Variants in LDLRAD4 observed in about 807,000 individuals in gnomAD.
LDLRAD4 encodes low-density lipoprotein receptor class A domain-containing protein 4.
Under a neutral mutation model 17.0 loss-of-function variants are expected in LDLRAD4, and 5 were observed. That is an observed-to-expected ratio of 0.29 (90% CI 0.15 to 0.62). LDLRAD4 has a LOEUF of 0.62. LDLRAD4 is among the 20% of genes least tolerant of loss of function. The probability of loss-of-function intolerance (pLI) is 0.84; values close to 1 mark genes in which losing one functional copy is unlikely to be tolerated. For missense variants in LDLRAD4, 340 were observed against 424.7 expected, an observed-to-expected ratio of 0.80 and a Z score of 1.75; for synonymous variants, 168 against 171.8, an observed-to-expected ratio of 0.98 and a Z score of 0.17.
At chr18:13,307,000 A>G (rs2046953739) in intron 1 of LDLRAD4, among the ~76,000 whole-genome samples, 1 of 152,182 alleles carries the variant, frequency 6.6e-6, no homozygotes, top group Non-Finnish European at 1.5e-5. Context: ...AGTGCCAGAA[A>G]ATAAATTGAC....
At chr18:13,293,017 A>G (rs769442707) in intron 1 of LDLRAD4, among the ~76,000 whole-genome samples, 4 of 152,250 alleles carry the variant, frequency 2.6e-5, no homozygotes, top group Non-Finnish European at 5.9e-5. Flanking sequence ...CTCGAGCACC[A>G]CGTCCCAGGA....
intron 3 of LDLRAD4, among the ~76,000 whole-genome samples, chr18:13,569,808 C>A (rs555643024): frequency 1.3e-5 from 2 of 152,188 alleles, no homozygotes; most frequent in East Asian, 3.8e-4. Context: ...TCGCTTGAAC[C>A]CGGAAGGCAG....
At chr18:13,417,970 G>A (rs1463216565) in intron 2 of LDLRAD4, among the ~76,000 whole-genome samples, 1 of 152,142 alleles carries the variant, frequency 6.6e-6, no homozygotes, top group Non-Finnish European at 1.5e-5. Flanking sequence ...ACTTATCCAC[G>A]GAGGAAGTGA....
intron 5 of LDLRAD4, among the ~76,000 whole-genome samples, chr18:13,644,400 CAA>C (rs5823265): frequency 0.02 from 1,165 of 58,616 alleles, 21 homozygotes; most frequent in African/African-American, 0.056. Context: ...AACCCCATCT[CAA>C]AAAAAAAAAA....
rs2090965019 is a variant in LDLRAD4, at chr18:13,440,660, T to G, written c.181+2276T>G. On this transcript the variant is annotated intron_variant, in intron 3 of 5. Transcript: ENST00000359446. The surrounding 1 kb of genome is among the most constrained non-coding windows in gnomAD (Gnocchi z 4.4). ...GAGTGACAGCTCCTTTCAGCTTGGT[T>G]TCTCTCCCTGTGGAACAGGCACACT... 6.6e-6 allele frequency among the ~76,000 whole-genome samples: 1 copy of G among 152,184 alleles called. No homozygotes were observed. Among genetic ancestry groups the G allele is most frequent in the African/African-American group, 2.4e-5 (1 of 41,446 alleles).
intron 3 of LDLRAD4, among the ~76,000 whole-genome samples, chr18:13,607,222 G>C (rs2095233653): frequency 6.6e-6 from 1 of 152,150 alleles, no homozygotes. Flanking sequence ...GTTTGCCCTT[G>C]GACAAAAGAC....
chr18:13,555,026 T>C lies in LDLRAD4; in HGVS notation c.182-66091T>C, dbSNP rs74800005. 4.1e-3 allele frequency among the ~76,000 whole-genome samples: 617 copies of C among 152,288 alleles called. 19 individuals carry two copies. In the East Asian group the frequency reaches 0.058, roughly 14 times the overall value. ...CAAACCCTTAAAGTTAGTCTAATCA[T>C]GAGCGAAAACAGCAGACAAATCCCA... On this transcript the variant is annotated intron_variant, in intron 3 of 5. Coordinates refer to ENST00000359446, the Ensembl canonical transcript of LDLRAD4.
intron 1 of LDLRAD4, among the ~76,000 whole-genome samples, chr18:13,286,766 C>A (rs562962637): frequency 2.6e-5 from 4 of 152,172 alleles, no homozygotes; most frequent in Admixed American, 1.3e-4. Flanking sequence ...GAGGGCCAGC[C>A]AGGAAGGACA....
chr18:13,401,325 A>G (rs946214470), intron 2 of LDLRAD4, among the ~76,000 whole-genome samples: 4 of 151,376 alleles, frequency 2.6e-5, no homozygotes, highest in Admixed American at 6.6e-5. Context: ...AATGTTTGCT[A>G]TATATTTAAT....
chr18:13,373,155 A>ATGTGTG (rs35632499), intron 1 of LDLRAD4, among the ~76,000 whole-genome samples: 6,333 of 149,628 alleles, frequency 0.042, 205 homozygotes, highest in African/African-American at 0.089. Flanking sequence ...CAACTGTTTA[A>ATGTGTG]TGTGTGTGTG....
chr18:13,326,282 G>C (rs2081532712), intron 1 of LDLRAD4, among the ~76,000 whole-genome samples: 1 of 152,198 alleles, frequency 6.6e-6, no homozygotes, highest in Non-Finnish European at 1.5e-5. Context: ...AAGAGGGGCA[G>C]GTGGGCTGTA....
chr18:13,290,173 A>G (rs1257595636), intron 1 of LDLRAD4, among the ~76,000 whole-genome samples: 1 of 152,192 alleles, frequency 6.6e-6, no homozygotes, highest in East Asian at 1.9e-4. Flanking sequence ...GTTATTGTCA[A>G]ACTAGATGAT....
chr18:13,490,732 T>A (rs944394151), intron 3 of LDLRAD4: 3 of 152,202 alleles, frequency 2.0e-5, no homozygotes, highest in Non-Finnish European at 4.4e-5. Context: ...GGAAGTTTTT[T>A]AAAATGATGT....
intron 1 of LDLRAD4, chr18:13,279,448 C>A (rs573853273): frequency 6.6e-6 from 1 of 152,360 alleles, no homozygotes; most frequent in East Asian, 1.9e-4. Flanking sequence ...GTCTCAAATA[C>A]AGTTGCCATT....
At chr18:13,565,797 C>T (rs1335989952) in intron 3 of LDLRAD4, among the ~76,000 whole-genome samples, 1 of 152,226 alleles carries the variant, frequency 6.6e-6, no homozygotes, top group East Asian at 1.9e-4. Flanking sequence ...TTTGTAGCCT[C>T]TAGGACAGAG....
chr18:13,360,531 T>C (rs1371790580), intron 1 of LDLRAD4, among the ~76,000 whole-genome samples: 3 of 152,230 alleles, frequency 2.0e-5, no homozygotes, highest in African/African-American at 7.2e-5. Context: ...CCTGGATTTT[T>C]AGGTCAATGG....
intron 1 of LDLRAD4, among the ~76,000 whole-genome samples, chr18:13,254,929 A>G (rs1387073867): frequency 6.6e-6 from 1 of 152,188 alleles, no homozygotes; most frequent in Non-Finnish European, 1.5e-5. Flanking sequence ...GTTCCACTAC[A>G]CCCCAGCCTG....
At chr18:13,497,190 T>G (rs553532849) in intron 3 of LDLRAD4, among the ~76,000 whole-genome samples, 1 of 152,330 alleles carries the variant, frequency 6.6e-6, no homozygotes, top group African/African-American at 2.4e-5. Context: ...AGGGTTCTTT[T>G]TATTTTTTAG....
At chr18:13,637,763 G>A (rs992749136) in intron 4 of LDLRAD4, among the ~76,000 whole-genome samples, 8 of 151,968 alleles carry the variant, frequency 5.3e-5, no homozygotes, top group Non-Finnish European at 8.8e-5. Context: ...CTACTCAGGA[G>A]GCTGAGGCAG....
Sources: gnomAD v4.1 joint callset for allele counts (sites outside exome capture counted in the v4.1 genomes callset) on GRCh38, gnomAD v4.1.1 for gene constraint, Gnocchi (gnomAD v3.1) non-coding constraint, MANE v1.5 for transcripts, NCBI Gene and HGNC (gene_info 2026-07-23, HGNC 2026-07-21) for gene names.